The following HS3ST4 variants were observed in gnomAD, a reference collection of about 807,000 sequenced individuals.
HS3ST4 encodes heparan sulfate-glucosamine 3-sulfotransferase 4.
HS3ST4 carries 17 observed loss-of-function variants against 29.2 expected under a neutral mutation model. The observed-to-expected ratio is 0.58, with a 90% CI of 0.40 to 0.87. The LOEUF (loss-of-function observed/expected upper bound fraction) is 0.87, where lower values mean the gene tolerates loss of function less well. Among genes scored for constraint, HS3ST4 ranks in the 40% least tolerant of loss-of-function variants. The probability of loss-of-function intolerance (pLI) is 0.00; values close to 1 mark genes in which losing one functional copy is unlikely to be tolerated. For synonymous variants in HS3ST4, 314 were observed against 285.7 expected (o/e 1.10, Z -1.00); for missense variants, 627 against 634.5 (o/e 0.99, Z 0.13).
chr16:25,930,970 C>T (rs1326142566), intron 1 of HS3ST4, among the ~76,000 whole-genome samples: 1 of 152,092 alleles, frequency 6.6e-6, no homozygotes, highest in East Asian at 1.9e-4. Flanking sequence ...GACGGGGTCT[C>T]ACTGTGTTGC....
intron 1 of HS3ST4, among the ~76,000 whole-genome samples, chr16:25,754,444 C>T (rs1966742712): frequency 6.6e-6 from 1 of 151,936 alleles, no homozygotes; most frequent in South Asian, 2.1e-4. Context: ...TCCATCTATC[C>T]ATCCATCCAT....
Position 26,122,643 on chromosome 16 carries a change from C to T in HS3ST4, c.735-12969C>T, listed in dbSNP as rs138514761. On this transcript the variant is annotated intron_variant, in intron 1 of 1. Coordinates refer to ENST00000331351, the MANE Select transcript of HS3ST4 (RefSeq NM_006040.3). The stretch of plus-strand genomic sequence containing the variant: ...GGATATATGCCACACTGAAGCTGTT[C>T]GGTACTCTATGACTGGGTTGTATCA... Among the ~76,000 whole-genome samples, 6 of 152,204 alleles carry T rather than the reference C, an allele frequency of 3.9e-5. No individual in the cohort carries two copies. The South Asian group carries it at 1.0e-3, about 26-fold the overall frequency.
At chr16:25,715,819 A>G (rs1254107370) in intron 1 of HS3ST4, among the ~76,000 whole-genome samples, 1 of 152,196 alleles carries the variant, frequency 6.6e-6, no homozygotes, top group Non-Finnish European at 1.5e-5. Context: ...TTTGCCCTAT[A>G]GGGGGATTCT....
intron 1 of HS3ST4, among the ~76,000 whole-genome samples, chr16:25,834,049 G>A (rs1323662949): frequency 1.3e-5 from 2 of 152,118 alleles, no homozygotes; most frequent in Admixed American, 6.5e-5. Flanking sequence ...ATTGGTTTTC[G>A]GGGTGCATGC....
intron 1 of HS3ST4, among the ~76,000 whole-genome samples, chr16:25,863,238 C>T (rs1967657098): frequency 6.6e-6 from 1 of 152,116 alleles, no homozygotes; most frequent in Admixed American, 6.5e-5. Context: ...GGTGCACCAC[C>T]ATGCCCGGCT....
intron 1 of HS3ST4, among the ~76,000 whole-genome samples, chr16:26,064,383 C>A (rs1309216976): frequency 6.6e-6 from 1 of 152,086 alleles, no homozygotes; most frequent in Non-Finnish European, 1.5e-5. Context: ...TGCTAGGTGT[C>A]GGGTAGACCA....
intron 1 of HS3ST4, among the ~76,000 whole-genome samples, chr16:25,890,227 T>C (rs1438109423): frequency 6.6e-6 from 1 of 152,200 alleles, no homozygotes. Flanking sequence ...AATAATATGG[T>C]AAGTAGCAGA....
intron 1 of HS3ST4, among the ~76,000 whole-genome samples, chr16:25,865,521 T>C (rs1461819227): frequency 6.6e-6 from 1 of 152,198 alleles, no homozygotes; most frequent in African/African-American, 2.4e-5. Context: ...TTTCCTACTG[T>C]CGAGCTGTTA....
At chr16:25,990,235 G>C (rs762907963) in intron 1 of HS3ST4, among the ~76,000 whole-genome samples, 1 of 152,160 alleles carries the variant, frequency 6.6e-6, no homozygotes, top group Non-Finnish European at 1.5e-5. Context: ...GCAGGTTTTT[G>C]TGTGGACATA....
intron 1 of HS3ST4, among the ~76,000 whole-genome samples, chr16:25,900,081 C>CA (rs1968107482): frequency 6.6e-6 from 1 of 152,226 alleles, no homozygotes; most frequent in Non-Finnish European, 1.5e-5. Context: ...ACATTCTTAA[C>CA]AGATAGTTTA....
intron 1 of HS3ST4, among the ~76,000 whole-genome samples, chr16:25,909,051 G>A (rs1177248694): frequency 6.6e-6 from 1 of 152,178 alleles, no homozygotes; most frequent in Non-Finnish European, 1.5e-5. Context: ...TTCTGCCCTG[G>A]TCAGGATTTC....
chr16:25,715,385 C>T (rs1201333532), intron 1 of HS3ST4, among the ~76,000 whole-genome samples: 2 of 149,546 alleles, frequency 1.3e-5, no homozygotes, highest in African/African-American at 4.9e-5. Flanking sequence ...GTGCCCCAGG[C>T]ACCTACTGGC....
chr16:25,799,548 T>C (rs1429316288), intron 1 of HS3ST4, among the ~76,000 whole-genome samples: 1 of 152,164 alleles, frequency 6.6e-6, no homozygotes, highest in African/African-American at 2.4e-5. Flanking sequence ...ATTTAAATGA[T>C]ATCATATTAT....
chr16:25,988,844 G>A (rs539877669), intron 1 of HS3ST4, among the ~76,000 whole-genome samples: 1 of 151,034 alleles, frequency 6.6e-6, no homozygotes, highest in East Asian at 2.0e-4. Flanking sequence ...ACCTGCACAT[G>A]TACCCCTGAA....
intron 1 of HS3ST4, among the ~76,000 whole-genome samples, chr16:25,942,053 T>G (rs1371288298): frequency 6.6e-6 from 1 of 152,168 alleles, no homozygotes; most frequent in Admixed American, 6.6e-5. Context: ...TTAGCTCATT[T>G]AATGTAGGGG....
At chr16:25,801,195 C>T (rs186998390) in intron 1 of HS3ST4, among the ~76,000 whole-genome samples, 6 of 152,212 alleles carry the variant, frequency 3.9e-5, no homozygotes, top group African/African-American at 1.4e-4. Context: ...GATACTCATG[C>T]TGCCTGGTAA....
chr16:25,984,038 C>T (rs993479982), intron 1 of HS3ST4, among the ~76,000 whole-genome samples: 1 of 152,174 alleles, frequency 6.6e-6, no homozygotes, highest in Admixed American at 6.5e-5. Flanking sequence ...TTTGCATATC[C>T]ATCATCTCCA....
At chr16:26,049,478 G>T (rs183390848) in intron 1 of HS3ST4, among the ~76,000 whole-genome samples, 217 of 151,806 alleles carry the variant, frequency 1.4e-3, no homozygotes, top group African/African-American at 5.0e-3. Flanking sequence ...CTCTGTGTGT[G>T]TGTGTGTGTG....
chr16:25,699,738 G>A (rs1319167144), intron 1 of HS3ST4, among the ~76,000 whole-genome samples: 9 of 152,180 alleles, frequency 5.9e-5, no homozygotes, highest in Admixed American at 1.3e-4. Context: ...GAAGCAACAT[G>A]GTTTGGAGCA....
Sources: gnomAD v4.1 joint callset for allele counts (sites outside exome capture counted in the v4.1 genomes callset) on GRCh38, gnomAD v4.1.1 for gene constraint, MANE v1.5 for transcripts, NCBI Gene and HGNC (gene_info 2026-07-23, HGNC 2026-07-21) for gene names.